ADAMTS16: variants seen among roughly 807,000 people sequenced by gnomAD.
The protein encoded by ADAMTS16 is A disintegrin and metalloproteinase with thrombospondin motifs 16.
A neutral mutation model predicts 145.8 loss-of-function variants in ADAMTS16; 94 were observed. The observed-to-expected ratio is 0.64, with a 90% confidence interval of 0.55 to 0.77. ADAMTS16 has a LOEUF of 0.77. ADAMTS16 is among the 30% of genes least tolerant of loss of function. The probability of loss-of-function intolerance (pLI) is 0.00; values close to 1 mark genes in which losing one functional copy is unlikely to be tolerated. For missense variants in ADAMTS16, 1,585 were observed against 1,591.5 expected, an observed-to-expected ratio of 1.00 and a Z score of 0.07; for synonymous variants, 659 against 604.3, an observed-to-expected ratio of 1.09 and a Z score of -1.33.
At chr5:5,148,968 G>A (rs1179177351) in intron 3 of ADAMTS16, among the ~76,000 whole-genome samples, 1 of 152,128 alleles carries the variant, frequency 6.6e-6, no homozygotes, top group African/African-American at 2.4e-5. Flanking sequence ...CAGAAACCAA[G>A]TCCAAGCCCT....
chr5:5,163,465 A>C (rs1459535463), intron 3 of ADAMTS16, among the ~76,000 whole-genome samples: 4 of 152,224 alleles, frequency 2.6e-5, no homozygotes, highest in Admixed American at 1.3e-4. Flanking sequence ...GAGTATATGC[A>C]GTCATATATA....
intron 13 of ADAMTS16, among the ~76,000 whole-genome samples, chr5:5,235,407 A>G (rs1737077287): frequency 6.6e-6 from 1 of 152,226 alleles, no homozygotes; most frequent in Non-Finnish European, 1.5e-5. Context: ...TCAACACACC[A>G]GATAGAAAGC....
chr5:5,191,444 G>A (rs993800955), intron 7 of ADAMTS16, among the ~76,000 whole-genome samples: 4 of 152,012 alleles, frequency 2.6e-5, no homozygotes, highest in South Asian at 2.1e-4. Context: ...CCTGCACCAC[G>A]AACGTTACAT....
intron 4 of ADAMTS16, among the ~76,000 whole-genome samples, chr5:5,183,010 A>G (rs1490822515): frequency 6.6e-6 from 1 of 152,138 alleles, no homozygotes; most frequent in African/African-American, 2.4e-5. Context: ...TGCTTCACCC[A>G]GCACCCTGAA....
At chr5:5,297,988 C>T (rs978153360) in intron 18 of ADAMTS16, among the ~76,000 whole-genome samples, 1 of 152,152 alleles carries the variant, frequency 6.6e-6, no homozygotes, top group African/African-American at 2.4e-5. Context: ...GGGCCCTGTT[C>T]CTTGCCAACC....
chr5:5,288,880 C>A (rs562469122), intron 18 of ADAMTS16, among the ~76,000 whole-genome samples: 1 of 152,306 alleles, frequency 6.6e-6, no homozygotes, highest in Admixed American at 6.5e-5. Flanking sequence ...ATGATGCTGA[C>A]CATCAACGAC....
intron 8 of ADAMTS16, among the ~76,000 whole-genome samples, chr5:5,199,046 T>C (rs1384678455): frequency 6.6e-6 from 1 of 152,216 alleles, no homozygotes; most frequent in Non-Finnish European, 1.5e-5. Context: ...AGAATGTATT[T>C]ACCTTAATGA....
At chr5:5,298,925 C>A (rs1299044023) in intron 18 of ADAMTS16, among the ~76,000 whole-genome samples, 1 of 152,168 alleles carries the variant, frequency 6.6e-6, no homozygotes, top group African/African-American at 2.4e-5. Context: ...ACAGTTGTGA[C>A]CCATACAGCA....
chr5:5,182,098 C>T lies in ADAMTS16; in HGVS notation c.556C>T (p.His186Tyr). Residue 186 changes from histidine (H) to tyrosine (Y), a missense_variant, in exon 4 of 23, where the codon CAC (histidine) becomes TAC (tyrosine). Around this residue, in one of 3 missense-constraint regions of ADAMTS16, gnomAD observed 453 missense variants for 412.1 expected, o/e 1.10. Coordinates refer to ENST00000274181, the MANE Select transcript of ADAMTS16 (RefSeq NM_139056.4). ...ADYFLRPLPS[H>Y]LSWKLGRAAQ... ...TTACTTCCTAAGGCCACTTCCTTCA[C>T]ACCTCTCATGGAAACTCGGCAGAGC... is the stretch of plus-strand genomic sequence containing the variant. The T allele has an allele frequency of 1.2e-6, 2 of 1,614,012 alleles. No homozygotes were observed. Among genetic ancestry groups the T allele is most frequent in the Non-Finnish European group, 1.7e-6 (2 of 1,180,000 alleles).
chr5:5,196,346 T>C (rs1429305798), intron 8 of ADAMTS16, among the ~76,000 whole-genome samples: 1 of 151,768 alleles, frequency 6.6e-6, no homozygotes, highest in Non-Finnish European at 1.5e-5. Flanking sequence ...CCCCTTTCAG[T>C]ATTTGATGAT....
chr5:5,199,959 T>G (rs563329119), intron 8 of ADAMTS16, among the ~76,000 whole-genome samples, 173 bp from the exon 9 acceptor site: 7 of 152,326 alleles, frequency 4.6e-5, no homozygotes, highest in Non-Finnish European at 5.9e-5. Flanking sequence ...GAAACTGTCT[T>G]GGAATACGTG....
At chr5:5,224,848 C>T (rs1232528617) in intron 11 of ADAMTS16, among the ~76,000 whole-genome samples, 2 of 152,148 alleles carry the variant, frequency 1.3e-5, no homozygotes, top group Non-Finnish European at 2.9e-5. Context: ...AGGCATCCTG[C>T]TTTCTGTGTG....
chr5:5,293,501 A>G (rs1032636777), intron 18 of ADAMTS16, among the ~76,000 whole-genome samples: 2 of 152,098 alleles, frequency 1.3e-5, no homozygotes, highest in African/African-American at 4.8e-5. Context: ...ACTGTCAGAA[A>G]AGAGCTGGCT....
At chr5:5,228,168 T>C (rs1220031711) in intron 11 of ADAMTS16, among the ~76,000 whole-genome samples, 4 of 152,250 alleles carry the variant, frequency 2.6e-5, no homozygotes, top group Non-Finnish European at 4.4e-5. Context: ...ACATTTTGAA[T>C]GTATCAAGTT....
chr5:5,205,462 GT>G (rs1367080845), intron 9 of ADAMTS16, among the ~76,000 whole-genome samples: 1 of 152,160 alleles, frequency 6.6e-6, no homozygotes, highest in Non-Finnish European at 1.5e-5. Context: ...TTTTATCCAT[GT>G]GGTTATTGTG....
At chr5:5,202,659 A>G (rs1028179999) in intron 9 of ADAMTS16, among the ~76,000 whole-genome samples, 3 of 152,124 alleles carry the variant, frequency 2.0e-5, no homozygotes, top group Non-Finnish European at 4.4e-5. Context: ...TATATTCCAG[A>G]TCCTTTCTAT....
chr5:5,294,993 A>G (rs1739474368), intron 18 of ADAMTS16, among the ~76,000 whole-genome samples: 1 of 152,212 alleles, frequency 6.6e-6, no homozygotes, highest in African/African-American at 2.4e-5. Context: ...AAGTAGATAG[A>G]GGGAAAAATT....
intron 18 of ADAMTS16, among the ~76,000 whole-genome samples, chr5:5,285,476 G>A (rs1014554205): frequency 3.3e-5 from 5 of 152,184 alleles, no homozygotes; most frequent in Non-Finnish European, 5.9e-5. Context: ...CTGGCTCCAC[G>A]ACGTGCTCCT....
At chr5:5,216,420 A>G (rs959347381) in intron 10 of ADAMTS16, among the ~76,000 whole-genome samples, 1 of 151,334 alleles carries the variant, frequency 6.6e-6, no homozygotes, top group Non-Finnish European at 1.5e-5. Flanking sequence ...TAGATCCTGG[A>G]TATTAGTCTT....
Sources: allele counts gnomAD v4.1 joint callset (sites outside exome capture counted in the v4.1 genomes callset), GRCh38; gene constraint gnomAD v4.1.1; regional missense constraint gnomAD v4.1.1; transcripts MANE v1.5; gene names NCBI Gene and HGNC (gene_info 2026-07-23, HGNC 2026-07-21).